The following FAM24A variants were observed in gnomAD, a reference collection of about 807,000 sequenced individuals.
FAM24A encodes protein FAM24A.
Under a neutral mutation model 2.8 loss-of-function variants are expected in FAM24A, and 2 were observed. The ratio of observed to expected loss-of-function variants is 0.73; its 90% CI spans 0.30 to 2.28. FAM24A has a LOEUF of 2.28. Ranked by LOEUF, FAM24A falls within the 30% of genes most tolerant of loss-of-function variation. FAM24A has a pLI of 0.12. For synonymous variants in FAM24A, 46 were observed against 47.5 expected, an observed-to-expected ratio of 0.97 and a Z score of 0.13; for missense variants, 109 against 132.0, an observed-to-expected ratio of 0.83 and a Z score of 0.85.
chr10:122,912,439 A>C (rs1034590950), intron 2 of FAM24A, among the ~76,000 whole-genome samples: 2 of 152,042 alleles, frequency 1.3e-5, no homozygotes, highest in Admixed American at 1.3e-4. Flanking sequence ...AGGGGTTCAC[A>C]GAGACACATC....
At chr10:122,912,643 G>A (rs750648257) in intron 2 of FAM24A, 119 bp from the exon 3 acceptor site, 269 of 869,618 alleles carry the variant, frequency 3.1e-4, no homozygotes, top group Non-Finnish European at 4.3e-4. Flanking sequence ...CCTTAATGTA[G>A]GGCTGGTGTT....
At chr10:122,911,251 C>G (rs1054997997) in intron 1 of FAM24A, among the ~76,000 whole-genome samples, 8 of 152,116 alleles carry the variant, frequency 5.3e-5, no homozygotes, top group African/African-American at 7.2e-5. Flanking sequence ...TAATTTTAAA[C>G]CTAATATACA....
chr10:122,913,053 TA>T lies in FAM24A; in HGVS notation c.*100del. On this transcript the variant is annotated 3_prime_UTR_variant, in exon 3 of 3. Coordinates refer to ENST00000368894, the MANE Select transcript of FAM24A (RefSeq NM_001029888.3). ...AAGTTCTAGAGTGTTTACATACTAT[TA>T]TATAATGTACAGTGTTATTTTCTGT... The T allele has an allele frequency of 4.7e-6, 5 of 1,057,976 alleles. No homozygotes were observed. The highest frequency in any genetic ancestry group is 6.7e-6 in the Non-Finnish European group (5 of 740,794). 65.5% of individuals were successfully genotyped at this position (1,057,976 alleles called of 1,614,324 possible). A position where few individuals can be genotyped will look rare whatever the true frequency, so the allele number is the denominator to read the frequency against.
chr10:122,912,979 C>A lies in FAM24A; in HGVS notation c.*25C>A. ...ACTTGGGAAAGCTGGGCACAAAAAT[C>A]TTCATGAGCAATATTTCTTTCTTAA... On this transcript the variant is annotated 3_prime_UTR_variant, in exon 3 of 3. Coordinates refer to ENST00000368894, the MANE Select transcript of FAM24A (RefSeq NM_001029888.3). The A allele has an allele frequency of 1.3e-6, 2 of 1,572,298 alleles. No homozygotes were observed. The highest frequency in any genetic ancestry group is 1.7e-6 in the Non-Finnish European group (2 of 1,160,302).
chr10:122,911,759 A>G lies in FAM24A; in HGVS notation c.125A>G (p.Lys42Arg), dbSNP rs139980844. 3,509 of 1,614,096 alleles carry G rather than the reference A, an allele frequency of 2.2e-3. 133 individuals carry two copies. The Admixed American group carries it at 0.054, about 25-fold the overall frequency. The change falls in exon 2 of 3, where the codon AAA becomes AGA. Residue 42 changes from lysine to arginine, a missense_variant and splice_region_variant. Transcript: ENST00000368894. ...CLYFKVAKAL[K>R]AAKDPDAVAV... Reference sequence around the variant, plus strand: ...TACTTCAAAGTAGCTAAGGCACTAAAGTGAGTCATGTGGGGGAAAATGAAT... The same window carrying G: ...TACTTCAAAGTAGCTAAGGCACTAAGGTGAGTCATGTGGGGGAAAATGAAT...
In FAM24A at chr10:122,913,043, T is replaced by C; in HGVS notation, c.*89T>C. 8.6e-7 allele frequency: 1 copy of C among 1,169,352 alleles called. No homozygotes were observed. Among genetic ancestry groups the C allele is most frequent in the Non-Finnish European group, 1.2e-6 (1 of 829,666 alleles). 72.4% of individuals were successfully genotyped at this position (1,169,352 alleles called of 1,614,324 possible). A position where few individuals can be genotyped will look rare whatever the true frequency, so the allele number is the denominator to read the frequency against. On this transcript the variant is annotated 3_prime_UTR_variant, in exon 3 of 3. Coordinates refer to ENST00000368894, the MANE Select transcript of FAM24A (RefSeq NM_001029888.3). ...TATTCAAGTCAAGTTCTAGAGTGTT[T>C]ACATACTATTATATAATGTACAGTG...
At chr10:122,912,111 T>A (rs1848325138) in intron 2 of FAM24A, among the ~76,000 whole-genome samples, 1 of 152,096 alleles carries the variant, frequency 6.6e-6, no homozygotes, top group Non-Finnish European at 1.5e-5. Context: ...GGCCAGTACC[T>A]CCCCTGGGCA....
intron 1 of FAM24A, 116 bp from the exon 2 acceptor site, chr10:122,911,517 G>T (rs1322527175): frequency 1.4e-6 from 2 of 1,458,430 alleles, no homozygotes; most frequent in Admixed American, 1.9e-5. Context: ...TCTCTGGAAA[G>T]ATTTGCTTGC....
In FAM24A at chr10:122,911,691, A is replaced by G; in HGVS notation, c.57A>G (p.Leu19=). 1 of 1,614,168 alleles carries G rather than the reference A, an allele frequency of 6.2e-7. No individual in the cohort carries two copies. The highest frequency in any genetic ancestry group is 8.5e-7 in the Non-Finnish European group (1 of 1,180,024). Residue 19 remains leucine (L), a synonymous_variant, in exon 2 of 3, where the codon TTA becomes TTG. Coordinates refer to ENST00000368894, the MANE Select transcript of FAM24A (RefSeq NM_001029888.3). The stretch of plus-strand genomic sequence containing the variant: ...TCATGATCGGCATCGGAAGCAGCTT[A>G]CTGGTTGCCGCGATGGTGCTCCTAA... ...TKIMIGIGSS[L]LVAAMVLLSV...
chr10:122,912,189 G>A (rs145619618), intron 2 of FAM24A, among the ~76,000 whole-genome samples: 2 of 152,330 alleles, frequency 1.3e-5, no homozygotes, highest in Non-Finnish European at 1.5e-5. Context: ...TGCGGAGGAT[G>A]GGCTGGATTG....
At chr10:122,912,135 A>G (rs556811395) in intron 2 of FAM24A, among the ~76,000 whole-genome samples, 1 of 152,154 alleles carries the variant, frequency 6.6e-6, no homozygotes, top group Admixed American at 6.5e-5. Flanking sequence ...TAGGCTGAAG[A>G]CTCCGTAGGG....
At position 122,913,075 on chromosome 10, in the gene FAM24A, T is replaced by C. The variant is rs1278959010; in HGVS notation, c.*121T>C. The C allele has an allele frequency of 1.2e-6, 1 of 814,074 alleles. No homozygotes were observed. The highest frequency in any genetic ancestry group is 1.8e-5 in the African/African-American group (1 of 56,238). The allele number at this position is 814,074 out of a possible 1,614,324, so 50.4% of individuals were successfully genotyped here. On this transcript the variant is annotated 3_prime_UTR_variant, in exon 3 of 3. Transcript: ENST00000368894. The stretch of plus-strand genomic sequence containing the variant: ...TATTATATAATGTACAGTGTTATTT[T>C]CTGTACTTCTGAATAAATGTGCAAT...
chr10:122,912,749 G>T lies in FAM24A; in HGVS notation c.126-13G>T. ...AAAATTCTAAGCCTGAGCTTTGTGTGTCTTTTCTTAAGAGCTGCAAAGGAC... is the reference window on the plus strand; with the variant it reads ...AAAATTCTAAGCCTGAGCTTTGTGTTTCTTTTCTTAAGAGCTGCAAAGGAC... On this transcript the variant is annotated splice_polypyrimidine_tract_variant and intron_variant, in intron 2 of 2. Transcript: ENST00000368894. The T allele has an allele frequency of 6.2e-7, 1 of 1,601,756 alleles. No individual in the cohort carries two copies. The highest frequency in any genetic ancestry group is 8.5e-7 in the Non-Finnish European group (1 of 1,175,728).
In FAM24A at chr10:122,911,685, C is replaced by A; in HGVS notation, c.51C>A (p.Ser17Arg). The A allele has an allele frequency of 6.2e-7, 1 of 1,614,166 alleles. No individual in the cohort carries two copies. ...CGAAGATCATGATCGGCATCGGAAG[C>A]AGCTTACTGGTTGCCGCGATGGTGC... The part of the protein sequence containing the change: ...LRTKIMIGIG[S>R]SLLVAAMVLL... Residue 17 changes from serine (S) to arginine (R), a missense_variant, in exon 2 of 3, where the codon AGC becomes AGA. By Grantham distance (110) the Ser-to-Arg change is moderately radical. Transcript: ENST00000368894.
Position 122,911,657 on chromosome 10 carries a change from G to C in FAM24A, c.23G>C (p.Arg8Thr). 6.2e-7 allele frequency: 1 copy of C among 1,614,024 alleles called. No individual in the cohort carries two copies. The highest frequency in any genetic ancestry group is 8.5e-7 in the Non-Finnish European group (1 of 1,180,016). Residue 8 changes from arginine to threonine, a missense_variant, in exon 2 of 3, where the codon AGG (arginine) becomes ACG (threonine). Arg to Thr is a moderately conservative substitution (Grantham distance 71). Transcript: ENST00000368894. ...GGCATGGCAAAGATGTTTGATCTCA[G>C]GACGAAGATCATGATCGGCATCGGA... Reference protein sequence around the residue: MAKMFDLRTKIMIGIGSS... With the variant: MAKMFDLTTKIMIGIGSS...
Position 122,911,295 on chromosome 10 carries a change from T to C in FAM24A, c.-2-338T>C, listed in dbSNP as rs1012846617. Among the ~76,000 whole-genome samples, 3 of 152,094 alleles carry C rather than the reference T, an allele frequency of 2.0e-5. No individual in the cohort carries two copies. The South Asian group carries it at 6.2e-4, about 32-fold the overall frequency. ...TGACTTCTGACCCTCTGAGTGAACATATTTCAGGGCCCAGGTGGTGGGGAG... is the reference window on the plus strand; with the variant it reads ...TGACTTCTGACCCTCTGAGTGAACACATTTCAGGGCCCAGGTGGTGGGGAG... On this transcript the variant is annotated intron_variant, in intron 1 of 2. Transcript: ENST00000368894.
rs143764952 is a variant in FAM24A, at chr10:122,911,660, C to T, written c.26C>T (p.Thr9Met). MAKMFDLR[T>M]KIMIGIGSSL... Reference sequence around the variant, plus strand: ...ATGGCAAAGATGTTTGATCTCAGGACGAAGATCATGATCGGCATCGGAAGC... The same window carrying T: ...ATGGCAAAGATGTTTGATCTCAGGATGAAGATCATGATCGGCATCGGAAGC... Residue 9 changes from threonine (T) to methionine (M), a missense_variant, in exon 2 of 3, where the codon ACG (threonine) becomes ATG (methionine). Coordinates refer to ENST00000368894, the MANE Select transcript of FAM24A (RefSeq NM_001029888.3). 77 of 1,613,818 alleles carry T rather than the reference C, an allele frequency of 4.8e-5. No homozygotes were observed. The highest frequency in any genetic ancestry group is 5.2e-5 in the Non-Finnish European group (61 of 1,180,014).
chr10:122,911,047 G>A (rs1001369865), intron 1 of FAM24A, among the ~76,000 whole-genome samples: 5 of 152,236 alleles, frequency 3.3e-5, no homozygotes, highest in Admixed American at 2.0e-4. Context: ...TGCAGACCAC[G>A]TCCCATTTCT....
chr10:122,911,830 T>C (rs538830855), intron 2 of FAM24A, 71 bp downstream of exon 2: 23 of 1,587,138 alleles, frequency 1.4e-5, no homozygotes, highest in Non-Finnish European at 1.7e-5. Flanking sequence ...TTGAGCAAGG[T>C]CATTCCTTTC....
Sources: gnomAD v4.1 joint callset for allele counts (sites outside exome capture counted in the v4.1 genomes callset) on GRCh38, gnomAD v4.1.1 for gene constraint, MANE v1.5 for transcripts, NCBI Gene and HGNC (gene_info 2026-07-23, HGNC 2026-07-21) for gene names.